Variants in CDK7 observed in about 807,000 individuals in gnomAD.
CDK7 encodes cyclin dependent kinase 7, also known as cyclin-dependent kinase 7.
A neutral mutation model predicts 49.1 loss-of-function variants in CDK7; 25 were observed. The observed-to-expected ratio is 0.51, with a 90% CI of 0.37 to 0.71. The LOEUF (loss-of-function observed/expected upper bound fraction) is 0.71. Among genes scored for constraint, CDK7 ranks in the 30% least tolerant of loss-of-function variants. The pLI, the probability that CDK7 is intolerant of heterozygous loss-of-function variation, is 0.00. For missense variants in CDK7, 316 were observed against 411.7 expected (o/e 0.77, Z 2.01); for synonymous variants, 107 against 140.0 (o/e 0.76, Z 1.67).
chr5:69,268,740 C>G (rs1359896678), intron 8 of CDK7, among the ~76,000 whole-genome samples: 1 of 151,010 alleles, frequency 6.6e-6, no homozygotes, highest in African/African-American at 2.4e-5. Flanking sequence ...GTAGTCCCAG[C>G]TACTCTGGAG....
chr5:69,261,490 C>CTG (rs1168767153), intron 7 of CDK7, among the ~76,000 whole-genome samples: 3,148 of 139,504 alleles, frequency 0.023, 50 homozygotes, highest in Non-Finnish European at 0.03. Flanking sequence ...AAAAGGTTCT[C>CTG]TGTGTGTGTG....
intron 2 of CDK7, among the ~76,000 whole-genome samples, chr5:69,240,706 C>G (rs868659372): frequency 1.2e-4 from 19 of 152,230 alleles, no homozygotes; most frequent in African/African-American, 4.6e-4. Context: ...CGGCTCACTG[C>G]AACCCCCGCC....
chr5:69,246,923 A>T (rs1011905653), intron 2 of CDK7, among the ~76,000 whole-genome samples: 2 of 151,940 alleles, frequency 1.3e-5, no homozygotes, highest in African/African-American at 4.8e-5. Context: ...TCCTCTTGTT[A>T]TTGATTTCTG....
chr5:69,272,752 T>A (rs1420982774), intron 9 of CDK7, 140 bp from the exon 10 acceptor site: 5 of 453,102 alleles, frequency 1.1e-5, no homozygotes, highest in Non-Finnish European at 2.0e-5. Flanking sequence ...CAGCCTTGTC[T>A]TACTACTAGT....
intron 7 of CDK7, among the ~76,000 whole-genome samples, chr5:69,261,098 G>T (rs1259033900): frequency 6.6e-6 from 1 of 152,150 alleles, no homozygotes; most frequent in East Asian, 1.9e-4. Context: ...GATTACAGGT[G>T]TGAGCCATTG....
At chr5:69,248,423 C>T (rs1352801902) in intron 2 of CDK7, among the ~76,000 whole-genome samples, 1 of 151,772 alleles carries the variant, frequency 6.6e-6, no homozygotes, top group Non-Finnish European at 1.5e-5. Flanking sequence ...TCTTGTTTCC[C>T]AGGCTGGAGT....
chr5:69,267,537 TC>T (rs1751244655), intron 8 of CDK7, among the ~76,000 whole-genome samples: 1 of 152,000 alleles, frequency 6.6e-6, no homozygotes, highest in Admixed American at 6.6e-5. Flanking sequence ...CCTCAATTGA[TC>T]CACTCGCCTC....
At chr5:69,256,413 G>C (rs1336879048) in intron 5 of CDK7, among the ~76,000 whole-genome samples, 2 of 151,984 alleles carry the variant, frequency 1.3e-5, no homozygotes, top group African/African-American at 4.8e-5. Flanking sequence ...GAGTACAGTG[G>C]CGCGATCTCA....
At position 69,237,526 on chromosome 5, in the gene CDK7, A is replaced by G. The variant is rs556679841; in HGVS notation, c.126+2073A>G. Among the ~76,000 whole-genome samples the G allele has an allele frequency of 1.7e-4, 26 of 152,208 alleles. No homozygotes were observed. In the South Asian group the frequency reaches 5.0e-3, roughly 29 times the overall value. On this transcript the variant is annotated intron_variant, in intron 2 of 11. Transcript: ENST00000256443. ...CCTCCCTCCTTCCCTATGCTTTGCTATATTTCTGTCATCGATGTGGCATTT... is the reference window on the plus strand; with the variant it reads ...CCTCCCTCCTTCCCTATGCTTTGCTGTATTTCTGTCATCGATGTGGCATTT...
rs551571996 is a variant in CDK7, at chr5:69,270,825, G to A, written c.714+1532G>A. ...TTCATTCTCTCTTTTGTTAACTGCTGAGTATTGTGTGGATTTATTTCAGTT... is the reference window on the plus strand; with the variant it reads ...TTCATTCTCTCTTTTGTTAACTGCTAAGTATTGTGTGGATTTATTTCAGTT... On this transcript the variant is annotated intron_variant, in intron 9 of 11. Transcript: ENST00000256443. Among the ~76,000 whole-genome samples, 11 of 152,300 alleles carry A rather than the reference G, an allele frequency of 7.2e-5. No homozygotes were observed. The South Asian group carries it at 1.9e-3, about 26-fold the overall frequency.
chr5:69,251,272 A>AT (rs1750126050), intron 2 of CDK7, among the ~76,000 whole-genome samples: 1 of 151,682 alleles, frequency 6.6e-6, no homozygotes, highest in Middle Eastern at 3.4e-3. Context: ...TAATTTCTGT[A>AT]TTTTTTTAAT....
intron 1 of CDK7, 77 bp downstream of exon 1, chr5:69,235,118 T>G: frequency 7.2e-7 from 1 of 1,395,320 alleles, no homozygotes. Context: ...GGTTTTCCCG[T>G]GGAGGCCAGA....
chr5:69,269,398 A>G (rs1751378367), intron 9 of CDK7, 105 bp downstream of exon 9: 6 of 704,906 alleles, frequency 8.5e-6, no homozygotes, highest in Non-Finnish European at 9.6e-6. Flanking sequence ...AAAGACATTC[A>G]TTATAATATG....
chr5:69,266,998 A>C (rs1022835248), intron 8 of CDK7, among the ~76,000 whole-genome samples: 3 of 152,216 alleles, frequency 2.0e-5, no homozygotes, highest in Non-Finnish European at 4.4e-5. Context: ...AGTACTATTT[A>C]GTGTTTTAAC....
chr5:69,272,467 A>G (rs925657138), intron 9 of CDK7, among the ~76,000 whole-genome samples: 6 of 152,216 alleles, frequency 3.9e-5, no homozygotes, highest in Non-Finnish European at 5.9e-5. Context: ...TTGCAAATCA[A>G]TTTGAGGATA....
At chr5:69,235,645 AT>A (rs1748919746) in intron 2 of CDK7, 192 bp downstream of exon 2, 2 of 610,396 alleles carry the variant, frequency 3.3e-6, no homozygotes, top group East Asian at 5.6e-5. Flanking sequence ...TTTAATTTCT[AT>A]TGAAATGAAG....
At chr5:69,265,723 A>C (rs1751109203) in intron 8 of CDK7, among the ~76,000 whole-genome samples, 1 of 152,112 alleles carries the variant, frequency 6.6e-6, no homozygotes, top group South Asian at 2.1e-4. Context: ...CCACTTGGGC[A>C]ATGTGGTGAA....
At chr5:69,252,491 C>G (rs773143150) in intron 3 of CDK7, 40 bp downstream of exon 3, 1 of 355,028 alleles carries the variant, frequency 2.8e-6, no homozygotes, top group Non-Finnish European at 4.4e-6. Context: ...GAAAAGTTTT[C>G]TCCTTTTTTT....
At chr5:69,272,500 A>G (rs1377873687) in intron 9 of CDK7, among the ~76,000 whole-genome samples, 4 of 152,212 alleles carry the variant, frequency 2.6e-5, no homozygotes, top group Non-Finnish European at 5.9e-5. Context: ...CCTCTGTTGA[A>G]TATTCCAATA....
Sources: gnomAD v4.1 joint callset for allele counts (sites outside exome capture counted in the v4.1 genomes callset) on GRCh38, gnomAD v4.1.1 for gene constraint, MANE v1.5 for transcripts, NCBI Gene and HGNC (gene_info 2026-07-23, HGNC 2026-07-21) for gene names.